The following CAMKK1 variants were observed in gnomAD, a reference collection of about 807,000 sequenced individuals.
CAMKK1 encodes calcium/calmodulin-dependent protein kinase kinase 1.
Under a neutral mutation model 63.5 loss-of-function variants are expected in CAMKK1, and 20 were observed. The ratio of observed to expected loss-of-function variants is 0.32; its 90% confidence interval spans 0.22 to 0.46. CAMKK1 has a LOEUF of 0.46. CAMKK1 is among the 20% of genes least tolerant of loss of function. The pLI is 1.00. For synonymous variants in CAMKK1, 253 were observed against 269.0 expected, an observed-to-expected ratio of 0.94 and a Z score of 0.58; for missense variants, 588 against 658.1, an observed-to-expected ratio of 0.89 and a Z score of 1.17.
At chr17:3,869,695 G>A (rs904038399) in intron 13 of CAMKK1, 80 bp from the exon 14 acceptor site, 9 of 1,607,196 alleles carry the variant, frequency 5.6e-6, no homozygotes, top group Non-Finnish European at 6.8e-6. Context: ...AAAGTCCACA[G>A]ACTCAAACCC....
In CAMKK1 at chr17:3,892,646, G is replaced by A. The variant is rs1325554949; in HGVS notation, c.-44+293C>T. Among the ~76,000 whole-genome samples, 1 of 152,200 alleles carries A rather than the reference G, an allele frequency of 6.6e-6. No homozygotes were observed. The highest frequency in any genetic ancestry group is 1.5e-5 in the Non-Finnish European group (1 of 68,018). On this transcript the variant is annotated intron_variant, in intron 1 of 15. Transcript: ENST00000348335. This position sits in a 1 kb window ranked among gnomAD's most constrained non-coding sequence, Gnocchi z 7.5. ...CCAGGAGCCGGGCGCGGGGGACAGTGCACCGGGGATGGATGCGGTCCGCAG... is the reference window on the plus strand; with the variant it reads ...CCAGGAGCCGGGCGCGGGGGACAGTACACCGGGGATGGATGCGGTCCGCAG...
At position 3,891,391 on chromosome 17, in the gene CAMKK1, T is replaced by C. The variant is rs113435751; in HGVS notation, c.-44+1548A>G. Among the ~76,000 whole-genome samples, 743 of 152,232 alleles carry C rather than the reference T, an allele frequency of 4.9e-3. 2 individuals are homozygous for C. The highest frequency in any genetic ancestry group is 0.017 in the Middle Eastern group (5 of 294). On this transcript the variant is annotated intron_variant, in intron 1 of 15. Coordinates refer to ENST00000348335, the MANE Select transcript of CAMKK1 (RefSeq NM_032294.3). ...GTAAGAAGGATCAAGAGAAAGGGGC[T>C]GGGAGATGCTGCTGATACAGTGTAG...
At chr17:3,869,352 T>G in intron 14 of CAMKK1, 135 bp downstream of exon 14, 1 of 1,199,214 alleles carries the variant, frequency 8.3e-7, no homozygotes, top group Middle Eastern at 2.1e-4. Flanking sequence ...TCCAGCAGAA[T>G]GGCGGCTCCA....
In CAMKK1 at chr17:3,871,547, G is replaced by C. The variant is rs546622927; in HGVS notation, c.1124+1007C>G. The stretch of plus-strand genomic sequence containing the variant: ...TTTTTTTTCTATTTTTAGTAGAGAT[G>C]GGGTTTCACCGTGTTAGCCAGGATG... On this transcript the variant is annotated intron_variant, in intron 12 of 15. Coordinates refer to ENST00000348335, the MANE Select transcript of CAMKK1 (RefSeq NM_032294.3). Among the ~76,000 whole-genome samples, 22 of 149,864 alleles carry C rather than the reference G, an allele frequency of 1.5e-4. No homozygotes were observed. In the East Asian group the frequency reaches 3.7e-3, roughly 25 times the overall value.
At chr17:3,876,486 C>T (rs570861109) in intron 9 of CAMKK1, 64 bp from the exon 10 acceptor site, 12 of 1,422,894 alleles carry the variant, frequency 8.4e-6, no homozygotes, top group South Asian at 1.2e-5. Flanking sequence ...ACCCCACACC[C>T]GTCCTTGCAC....
In CAMKK1 at chr17:3,884,527, C is replaced by G; in HGVS notation, c.361-100G>C. On this transcript the variant is annotated intron_variant, in intron 2 of 15. Transcript: ENST00000348335. This position sits in a 1 kb window ranked among gnomAD's most constrained non-coding sequence, Gnocchi z 4.5. ...GGTCCAATTCTGGCCATAAGCTCCT[C>G]ATTCCCGGACCCCCAGGTCTCACCA... is the stretch of plus-strand genomic sequence containing the variant. The G allele has an allele frequency of 9.1e-7, 1 of 1,097,956 alleles. No individual in the cohort carries two copies. The highest frequency in any genetic ancestry group is 2.6e-5 in the East Asian group (1 of 39,186). 68.0% of individuals were successfully genotyped at this position (1,097,956 alleles called of 1,614,324 possible).
intron 15 of CAMKK1, among the ~76,000 whole-genome samples, chr17:3,863,846 C>T (rs1374273238): frequency 6.6e-6 from 1 of 152,202 alleles, no homozygotes; most frequent in East Asian, 1.9e-4. Context: ...GTATCCTTAT[C>T]CTGTGTCTGG....
At position 3,868,068 on chromosome 17, in the gene CAMKK1, CG is replaced by C. The variant is rs760402965; in HGVS notation, c.1341+1418del. The stretch of plus-strand genomic sequence containing the variant: ...ACACAGGATCTGGGGGAGAAGCAGG[CG>C]CAGTCTAACTGATACGTGGGCTCTG... On this transcript the variant is annotated intron_variant, in intron 14 of 15. Transcript: ENST00000348335. Among the ~76,000 whole-genome samples the C allele has an allele frequency of 4.1e-4, 31 of 76,032 alleles. 1 individual carries two copies. Among genetic ancestry groups the C allele is most frequent in the African/African-American group, 1.2e-3 (16 of 13,036 alleles). 49.9% of individuals were successfully genotyped at this position (76,032 alleles called of 152,430 possible).
At chr17:3,867,132 G>A (rs1274942722) in intron 14 of CAMKK1, among the ~76,000 whole-genome samples, 1 of 152,242 alleles carries the variant, frequency 6.6e-6, no homozygotes. Context: ...AGGGAATGGC[G>A]ATGAGGTGTG....
At chr17:3,865,805 C>CTCTG (rs1166597240) in intron 15 of CAMKK1, 103 bp downstream of exon 15, 63 of 1,549,886 alleles carry the variant, frequency 4.1e-5, no homozygotes, top group Non-Finnish European at 5.4e-5. Flanking sequence ...AGTCCCCAGG[C>CTCTG]TCTGGCCTTG....
At chr17:3,875,908 G>C (rs1374076296) in intron 10 of CAMKK1, among the ~76,000 whole-genome samples, 1 of 152,122 alleles carries the variant, frequency 6.6e-6, no homozygotes, top group African/African-American at 2.4e-5. Context: ...GATCTGCGGG[G>C]ACCCCCAACT....
At chr17:3,868,769 C>T (rs1043854221) in intron 14 of CAMKK1, among the ~76,000 whole-genome samples, 3 of 151,886 alleles carry the variant, frequency 2.0e-5, no homozygotes, top group East Asian at 1.9e-4. Context: ...TCTCCTGCCT[C>T]GGCCTCCCCA....
chr17:3,888,909 G>A (rs1035645276), intron 1 of CAMKK1, among the ~76,000 whole-genome samples: 4 of 123,268 alleles, frequency 3.2e-5, no homozygotes, highest in African/African-American at 8.7e-5. Context: ...GACCAGGGTG[G>A]TGGCGTGTGT....
In CAMKK1 at chr17:3,888,980, C is replaced by T. The variant is rs976117801; in HGVS notation, c.-43-3250G>A. On this transcript the variant is annotated intron_variant, in intron 1 of 15. Coordinates refer to ENST00000348335, the MANE Select transcript of CAMKK1 (RefSeq NM_032294.3). ...GCGCACTGCATGGAGATGAAAACCT[C>T]GGTGTGATGTGTGTGTGCGCAGGTG... 5.3e-5 allele frequency among the ~76,000 whole-genome samples: 8 copies of T among 151,960 alleles called. No individual in the cohort carries two copies. In the East Asian group the frequency reaches 7.7e-4, roughly 15 times the overall value.
intron 9 of CAMKK1, among the ~76,000 whole-genome samples, chr17:3,877,468 G>C (rs1276483005): frequency 1.3e-5 from 2 of 152,182 alleles, no homozygotes; most frequent in African/African-American, 4.8e-5. Flanking sequence ...CCAGCCAAGA[G>C]AGACAATGAC....
chr17:3,876,586 C>T (rs981655281), intron 9 of CAMKK1, among the ~76,000 whole-genome samples, 164 bp from the exon 10 acceptor site: 5 of 152,146 alleles, frequency 3.3e-5, no homozygotes, highest in Non-Finnish European at 7.3e-5. Flanking sequence ...ATCTGCTCCA[C>T]GCAGGTGCAG....
In CAMKK1 at chr17:3,865,909, C is replaced by G. The variant is rs1303869941; in HGVS notation, c.1444G>C (p.Val482Leu). ...AGTCCCTGGCCCACCAGTACTTACA[C>G]CAGTAGGTTTCCTGGAGCAGACATG... ...RSMSAPGNLL[V>L]KEGFGEGGKS... The change falls in exon 15 of 16, where the codon GTG (valine) becomes CTG (leucine). Residue 482 changes from valine (V) to leucine (L), a missense_variant and splice_region_variant. Around this residue, in one of 3 missense-constraint regions of CAMKK1, gnomAD observed 226 missense variants for 229.2 expected, o/e 0.99. Transcript: ENST00000348335. The G allele has an allele frequency of 9.3e-6, 15 of 1,614,052 alleles. No homozygotes were observed. In the Admixed American group the frequency reaches 2.2e-4, roughly 23 times the overall value.
At chr17:3,871,833 A>G (rs2054901444) in intron 12 of CAMKK1, among the ~76,000 whole-genome samples, 1 of 151,648 alleles carries the variant, frequency 6.6e-6, no homozygotes, top group African/African-American at 2.4e-5. Context: ...TTTAGTAGAG[A>G]TGGGGTTTCA....
At chr17:3,867,553 G>T (rs1482573502) in intron 14 of CAMKK1, among the ~76,000 whole-genome samples, 2 of 152,196 alleles carry the variant, frequency 1.3e-5, no homozygotes, top group Non-Finnish European at 2.9e-5. Flanking sequence ...CAGCGTGGGA[G>T]GTTGTTCCAG....
Sources: gnomAD v4.1 joint callset for allele counts (sites outside exome capture counted in the v4.1 genomes callset) on GRCh38, gnomAD v4.1.1 for gene constraint, gnomAD v4.1.1 regional missense constraint, Gnocchi (gnomAD v3.1) non-coding constraint, MANE v1.5 for transcripts, NCBI Gene and HGNC (gene_info 2026-07-23, HGNC 2026-07-21) for gene names.